ARHGAP44: variants seen among roughly 807,000 people sequenced by gnomAD.
ARHGAP44 encodes the protein rho GTPase-activating protein 44.
Under a neutral mutation model 106.8 loss-of-function variants are expected in ARHGAP44, and 43 were observed. The ratio of observed to expected loss-of-function variants is 0.40; its 90% confidence interval spans 0.32 to 0.52. The LOEUF (loss-of-function observed/expected upper bound fraction) is 0.52, where lower values mean the gene tolerates loss of function less well. ARHGAP44 is among the 20% of genes least tolerant of loss of function. ARHGAP44 has a pLI of 0.48. For synonymous variants in ARHGAP44, 439 were observed against 410.3 expected, an observed-to-expected ratio of 1.07 and a Z score of -0.85; for missense variants, 866 against 1,050.5, an observed-to-expected ratio of 0.82 and a Z score of 2.43.
rs1213325834 is a variant in ARHGAP44, at chr17:12,931,841, T to TACACACAAACACACACACACAC, written c.582+2802_582+2803insAACACACACACACACACACACA. 8.9e-5 allele frequency among the ~76,000 whole-genome samples: 13 copies of TACACACAAACACACACACACAC among 146,412 alleles called. No individual in the cohort carries two copies. In the East Asian group the frequency reaches 1.4e-3, roughly 16 times the overall value. ...ATTGCATGATATTCCACAGTAGGGA[T>TACACACAAACACACACACACAC]ACACACACACACACACACACACACA... is the stretch of plus-strand genomic sequence containing the variant. On this transcript the variant is annotated intron_variant, in intron 7 of 20. Coordinates refer to ENST00000379672, the MANE Select transcript of ARHGAP44 (RefSeq NM_014859.6).
chr17:12,930,381 A>T (rs1473895801), intron 7 of ARHGAP44, among the ~76,000 whole-genome samples: 1 of 151,868 alleles, frequency 6.6e-6, no homozygotes, highest in Non-Finnish European at 1.5e-5. Context: ...TTATAGGTGC[A>T]CACAACCACG....
chr17:12,911,474 T>G (rs895596810), intron 4 of ARHGAP44, among the ~76,000 whole-genome samples: 1 of 152,170 alleles, frequency 6.6e-6, no homozygotes, highest in Non-Finnish European at 1.5e-5. Flanking sequence ...GAAGTAGATA[T>G]GCAAAGATCC....
At chr17:12,989,127 T>TAAAAAAAAAAAAA (rs1555569159) in intron 20 of ARHGAP44, among the ~76,000 whole-genome samples, 1 of 52,066 alleles carries the variant, frequency 1.9e-5, no homozygotes. Context: ...AAAAAAAAAC[T>TAAAAAAAAAAAAA]AAGCAGGCGG....
At chr17:12,808,656 A>AT (rs2034350198) in intron 1 of ARHGAP44, among the ~76,000 whole-genome samples, 2 of 151,842 alleles carry the variant, frequency 1.3e-5, no homozygotes, top group Non-Finnish European at 2.9e-5. Flanking sequence ...TCACAAAATC[A>AT]TTTTTTCCTC....
At position 12,919,843 on chromosome 17, in the gene ARHGAP44, T is replaced by A; in HGVS notation, c.464+12T>A. On this transcript the variant is annotated intron_variant, in intron 6 of 20. Coordinates refer to ENST00000379672, the MANE Select transcript of ARHGAP44 (RefSeq NM_014859.6). The stretch of plus-strand genomic sequence containing the variant: ...TCCTCACGAACCAGGTAGAATCTCT[T>A]TACTTTCTTTTTTGCTTCTTTGAAG... 6.2e-7 allele frequency: 1 copy of A among 1,607,212 alleles called. No individual in the cohort carries two copies. Among genetic ancestry groups the A allele is most frequent in the Non-Finnish European group, 8.5e-7 (1 of 1,176,800 alleles).
At chr17:12,951,488 C>G (rs776173722) in intron 12 of ARHGAP44, among the ~76,000 whole-genome samples, 1 of 152,156 alleles carries the variant, frequency 6.6e-6, no homozygotes, top group African/African-American at 2.4e-5. Context: ...GAAACTGTCA[C>G]TCTTATTATT....
At chr17:12,806,839 A>G (rs1174097995) in intron 1 of ARHGAP44, among the ~76,000 whole-genome samples, 1 of 143,160 alleles carries the variant, frequency 7.0e-6, no homozygotes, top group Non-Finnish European at 1.5e-5. Context: ...GGATTCATGA[A>G]TTGGGCAGCA....
Position 12,853,412 on chromosome 17 carries a change from A to G in ARHGAP44, c.54-41528A>G, listed in dbSNP as rs115877388. Among the ~76,000 whole-genome samples the G allele has an allele frequency of 8.1e-3, 1,236 of 152,294 alleles. 13 individuals are homozygous for G. Among genetic ancestry groups the G allele is most frequent in the African/African-American group, 0.028 (1,165 of 41,564 alleles). The stretch of plus-strand genomic sequence containing the variant: ...ACGTCCCAGAGCCCCTGATCTACAG[A>G]AGGAGGTGGGGACAAAACATGTACT... On this transcript the variant is annotated intron_variant, in intron 1 of 20. Transcript: ENST00000379672.
intron 1 of ARHGAP44, among the ~76,000 whole-genome samples, chr17:12,797,318 G>C (rs1198137000): frequency 1.3e-5 from 2 of 152,054 alleles, no homozygotes; most frequent in African/African-American, 4.8e-5. Flanking sequence ...TGTATGACAT[G>C]GCTTAGGTAT....
intron 5 of ARHGAP44, among the ~76,000 whole-genome samples, chr17:12,918,244 G>T (rs2037974074): frequency 6.6e-6 from 1 of 152,152 alleles, no homozygotes; most frequent in Admixed American, 6.5e-5. Flanking sequence ...CAGGTTGCCT[G>T]GGGACAGTTA....
chr17:12,979,672 A>G (rs893505024), intron 18 of ARHGAP44, among the ~76,000 whole-genome samples: 2 of 152,230 alleles, frequency 1.3e-5, no homozygotes, highest in South Asian at 2.1e-4. Flanking sequence ...TCTTGGCTAC[A>G]GTAGGAAAAG....
At chr17:12,907,406 A>G (rs977132702) in intron 3 of ARHGAP44, among the ~76,000 whole-genome samples, 1 of 152,144 alleles carries the variant, frequency 6.6e-6, no homozygotes, top group African/African-American at 2.4e-5. Context: ...ATTTACCACC[A>G]TTATCTAGTT....
intron 1 of ARHGAP44, among the ~76,000 whole-genome samples, chr17:12,793,604 A>C (rs778914552): frequency 2.0e-5 from 3 of 151,940 alleles, no homozygotes; most frequent in Non-Finnish European, 4.4e-5. Context: ...GCTACTGGGG[A>C]GTCTGAGGCG....
At chr17:12,861,424 A>C (rs2036069303) in intron 1 of ARHGAP44, among the ~76,000 whole-genome samples, 1 of 152,118 alleles carries the variant, frequency 6.6e-6, no homozygotes, top group African/African-American at 2.4e-5. Context: ...GCTAAAATCA[A>C]GATGGCAGCA....
chr17:12,823,163 C>T (rs2150799600), intron 1 of ARHGAP44, among the ~76,000 whole-genome samples: 1 of 152,240 alleles, frequency 6.6e-6, no homozygotes, highest in Non-Finnish European at 1.5e-5. Context: ...TCCCTTAATA[C>T]TTCTAATCAA....
chr17:12,872,082 G>C (rs931090988), intron 1 of ARHGAP44, among the ~76,000 whole-genome samples: 8 of 152,246 alleles, frequency 5.3e-5, no homozygotes, highest in African/African-American at 1.9e-4. Context: ...TAGTGCCAAG[G>C]CCAAATGGAT....
intron 7 of ARHGAP44, among the ~76,000 whole-genome samples, chr17:12,931,867 CACACACACACACAT>C (rs1567694359): frequency 2.0e-5 from 3 of 150,498 alleles, no homozygotes; most frequent in African/African-American, 7.4e-5. Flanking sequence ...CACACACACA[CACACACACACACAT>C]ATCATGATTT....
intron 9 of ARHGAP44, 87 bp downstream of exon 9, chr17:12,943,756 C>T: frequency 7.3e-7 from 1 of 1,372,366 alleles, no homozygotes; most frequent in Non-Finnish European, 1.0e-6. Context: ...TGTCGTTGGC[C>T]CTAACACTCT....
At chr17:12,841,602 A>T (rs377272132) in intron 1 of ARHGAP44, among the ~76,000 whole-genome samples, 7,094 of 99,696 alleles carry the variant, frequency 0.071, 281 homozygotes, top group African/African-American at 0.22. Context: ...TCTCACACAC[A>T]CACACACACA....
Sources: allele counts gnomAD v4.1 joint callset (sites outside exome capture counted in the v4.1 genomes callset), GRCh38; gene constraint gnomAD v4.1.1; transcripts MANE v1.5; gene names NCBI Gene and HGNC (gene_info 2026-07-23, HGNC 2026-07-21).